Variants in SYTL2 observed in about 807,000 individuals in gnomAD.
The protein encoded by SYTL2 is synaptotagmin-like protein 2.
In SYTL2, 165 loss-of-function variants were observed where a neutral mutation model predicts 198.7. That is an observed-to-expected ratio of 0.83 (90% CI 0.73 to 0.94). The LOEUF is 0.94. SYTL2 is among the 40% of genes least tolerant of loss of function. The pLI, the probability that SYTL2 is intolerant of heterozygous loss-of-function variation, is 0.00. For synonymous variants in SYTL2, 966 were observed against 917.7 expected (o/e 1.05, Z -0.95); for missense variants, 2,835 against 2,582.8 (o/e 1.10, Z -2.12).
intron 1 of SYTL2, among the ~76,000 whole-genome samples, chr11:85,800,819 C>T (rs2092876133): frequency 6.6e-6 from 1 of 152,264 alleles, no homozygotes; most frequent in African/African-American, 2.4e-5. Flanking sequence ...GTCTCCTCCA[C>T]ACCCTTGGCT....
chr11:85,722,330 C>T (rs915298084), intron 8 of SYTL2, among the ~76,000 whole-genome samples: 9 of 151,960 alleles, frequency 5.9e-5, no homozygotes, highest in Admixed American at 2.0e-4. Flanking sequence ...GCCACCACCA[C>T]GCCCGGCTAC....
chr11:85,837,470 C>G, the SYTL2 span, among the ~76,000 whole-genome samples: 2 of 152,208 alleles, frequency 1.3e-5, no homozygotes, highest in Non-Finnish European at 2.9e-5. Context: ...GCACCTTAAT[C>G]TGGACCACTT....
intron 5 of SYTL2, 55 bp downstream of exon 5, chr11:85,737,520 G>T (rs776878178): frequency 3.2e-5 from 45 of 1,405,086 alleles, no homozygotes; most frequent in Non-Finnish European, 4.5e-5. Flanking sequence ...GACACAATGA[G>T]GAAAAATGGC....
chr11:85,718,550 C>A, intron 10 of SYTL2: 1 of 483,614 alleles, frequency 2.1e-6, no homozygotes, highest in East Asian at 3.3e-5. Context: ...TTATAGAAAC[C>A]CTTGCTTCAC....
Position 85,734,428 on chromosome 11 carries a change from C to A in SYTL2, c.901G>T (p.Val301Leu). The A allele has an allele frequency of 6.2e-7, 1 of 1,614,182 alleles. No homozygotes were observed. Among genetic ancestry groups the A allele is most frequent in the South Asian group, 1.1e-5 (1 of 91,080 alleles). Reference protein sequence around the residue: ...NHNFEPKSKIVSPGLTIHERI... With the variant: ...NHNFEPKSKILSPGLTIHERI... ...TCATGGATGGTTAGGCCAGGTGACA[C>A]AATTTTGCTTTTGGGTTCAAAGTTG... Residue 301 changes from valine to leucine, a missense_variant, in exon 7 of 20, where the codon GTG (valine) becomes TTG (leucine). By Grantham distance (32) the Val-to-Leu change is conservative (BLOSUM62 1). Around this residue, in one of 3 missense-constraint regions of SYTL2, gnomAD observed 2,645 missense variants for 2,381.7 expected, o/e 1.11. Coordinates refer to ENST00000359152, the MANE Select transcript of SYTL2 (RefSeq NM_206927.4).
intron 1 of SYTL2, among the ~76,000 whole-genome samples, chr11:85,793,217 A>G (rs559412387): frequency 5.3e-5 from 8 of 150,684 alleles, no homozygotes; most frequent in South Asian, 2.1e-4. Flanking sequence ...GACTTCCACA[A>G]TGGTTGAACT....
chr11:85,792,771 C>A, intron 1 of SYTL2, among the ~76,000 whole-genome samples: 1 of 150,280 alleles, frequency 6.7e-6, no homozygotes. Flanking sequence ...AAAGCTATCC[C>A]TCCCCGCTCC....
the SYTL2 span, among the ~76,000 whole-genome samples, chr11:85,819,189 G>T: frequency 6.6e-6 from 1 of 152,110 alleles, no homozygotes; most frequent in East Asian, 1.9e-4. Context: ...TCTGAAAATT[G>T]TGCTTACTTG....
chr11:85,845,873 G>A, the SYTL2 span, among the ~76,000 whole-genome samples: 173 of 152,264 alleles, frequency 1.1e-3, no homozygotes, highest in Non-Finnish European at 2.4e-4. Context: ...CCAAGATCGT[G>A]CCACTGCACT....
At position 85,721,447 on chromosome 11, in the gene SYTL2, T is replaced by G. The variant is rs548167610; in HGVS notation, c.5327-488A>C. Among the ~76,000 whole-genome samples, 11 of 152,254 alleles carry G rather than the reference T, an allele frequency of 7.2e-5. No individual in the cohort carries two copies. The South Asian group carries it at 2.3e-3, about 32-fold the overall frequency. On this transcript the variant is annotated intron_variant, in intron 8 of 19. Transcript: ENST00000359152. ...AAGGTTGTAGACTTTCTGGGTTTCATGATCTAGTATAATTTCCAATGAAAT... is the reference window on the plus strand; with the variant it reads ...AAGGTTGTAGACTTTCTGGGTTTCAGGATCTAGTATAATTTCCAATGAAAT...
chr11:85,782,834 A>G (rs1166359790), intron 1 of SYTL2, among the ~76,000 whole-genome samples: 1 of 152,216 alleles, frequency 6.6e-6, no homozygotes, highest in African/African-American at 2.4e-5. Flanking sequence ...CCAGTTCCCA[A>G]CAAGTTCTTC....
chr11:85,829,351 G>A, the SYTL2 span, among the ~76,000 whole-genome samples: 17 of 152,180 alleles, frequency 1.1e-4, no homozygotes, highest in Admixed American at 9.2e-4. Flanking sequence ...TGGTCTCCAG[G>A]TCCATCCATG....
the SYTL2 span, among the ~76,000 whole-genome samples, chr11:85,848,064 C>CA: frequency 6.6e-6 from 1 of 151,846 alleles, no homozygotes; most frequent in Non-Finnish European, 1.5e-5. Flanking sequence ...CCCATCTCTA[C>CA]AAAAAATAAA....
At chr11:85,783,933 C>T (rs1021903417) in intron 1 of SYTL2, among the ~76,000 whole-genome samples, 1 of 152,178 alleles carries the variant, frequency 6.6e-6, no homozygotes, top group Non-Finnish European at 1.5e-5. Context: ...GGCTCATTTT[C>T]TGATCTCTGG....
intron 1 of SYTL2, among the ~76,000 whole-genome samples, chr11:85,760,047 A>G (rs1479292428): frequency 6.6e-6 from 1 of 152,176 alleles, no homozygotes; most frequent in Non-Finnish European, 1.5e-5. Flanking sequence ...GCTTTGGCCA[A>G]TGGAATGTTA....
At chr11:85,826,472 A>C in the SYTL2 span, among the ~76,000 whole-genome samples, 1 of 152,230 alleles carries the variant, frequency 6.6e-6, no homozygotes, top group South Asian at 2.1e-4. Context: ...GCAAAGGTTG[A>C]ATTTCAGACC....
intron 7 of SYTL2, among the ~76,000 whole-genome samples, chr11:85,728,996 G>A (rs185676845): frequency 1.1e-4 from 17 of 152,104 alleles, no homozygotes; most frequent in Non-Finnish European, 1.0e-4. Context: ...ACAAAGAAGG[G>A]CATTACATAA....
upstream of SYTL2, among the ~76,000 whole-genome samples, chr11:85,814,452 C>G (rs186086818): frequency 6.6e-6 from 1 of 152,182 alleles, no homozygotes; most frequent in Non-Finnish European, 1.5e-5. Context: ...TAGAAGTGAG[C>G]TTAGAAAACT....
the SYTL2 span, among the ~76,000 whole-genome samples, chr11:85,831,544 T>C: frequency 1.3e-5 from 2 of 152,190 alleles, no homozygotes; most frequent in African/African-American, 4.8e-5. Context: ...GCAGAACTAA[T>C]TCACATAGTT....
Sources: gnomAD v4.1 joint callset for allele counts (sites outside exome capture counted in the v4.1 genomes callset) on GRCh38, gnomAD v4.1.1 for gene constraint, gnomAD v4.1.1 regional missense constraint, MANE v1.5 for transcripts, NCBI Gene and HGNC (gene_info 2026-07-23, HGNC 2026-07-21) for gene names.